TENM1: variants seen among roughly 807,000 people sequenced by gnomAD.
The protein encoded by TENM1 is teneurin-1.
In TENM1, 35 loss-of-function variants were observed where a neutral mutation model predicts 174.8. The ratio of observed to expected loss-of-function variants is 0.20; its 90% CI spans 0.15 to 0.27. The LOEUF is 0.27. Ranked by LOEUF, TENM1 falls within the 10% of genes least tolerant of loss-of-function variation. The probability of loss-of-function intolerance (pLI) is 1.00; values close to 1 mark genes in which losing one functional copy is unlikely to be tolerated. For missense variants in TENM1, 1,633 were observed against 2,130.1 expected (o/e 0.77, Z 4.59); for synonymous variants, 781 against 798.7 (o/e 0.98, Z 0.37).
chrX:124,779,291 A>C (rs2054853526), intron 3 of TENM1, among the ~76,000 whole-genome samples: 1 of 111,751 alleles, frequency 8.9e-6, no homozygotes, highest in Non-Finnish European at 1.9e-5. Context: ...TTCATTTCTC[A>C]TGCTTCTTTA....
chrX:124,438,367 G>T (rs1044324199), intron 23 of TENM1, among the ~76,000 whole-genome samples: 4 of 110,971 alleles, frequency 3.6e-5, no homozygotes, highest in African/African-American at 1.3e-4. Context: ...GAGAGATACA[G>T]AAGTATCTTA....
the TENM1 span, among the ~76,000 whole-genome samples, chrX:125,055,482 C>T: frequency 8.9e-6 from 1 of 111,744 alleles, no homozygotes; most frequent in African/African-American, 3.2e-5. Flanking sequence ...TTAGGAGTTC[C>T]TGAAGGGCAG....
intron 3 of TENM1, among the ~76,000 whole-genome samples, chrX:124,877,031 C>G: frequency 8.9e-6 from 1 of 111,886 alleles, no homozygotes; most frequent in Non-Finnish European, 1.9e-5. Flanking sequence ...AAAAATCATT[C>G]CAGTTCAAAC....
At chrX:124,750,995 G>A (rs1425738203) in intron 3 of TENM1, among the ~76,000 whole-genome samples, 1 of 112,048 alleles carries the variant, frequency 8.9e-6, no homozygotes, top group African/African-American at 3.2e-5. Flanking sequence ...ATTTTGAGTA[G>A]CAAATATCTT....
intron 3 of TENM1, among the ~76,000 whole-genome samples, chrX:124,875,690 A>G (rs1449466320): frequency 9.2e-6 from 1 of 108,527 alleles, no homozygotes; most frequent in Non-Finnish European, 1.9e-5. Context: ...CTGGTCAACA[A>G]AGGGGACATC....
At chrX:124,654,157 T>G (rs963219612) in intron 6 of TENM1, among the ~76,000 whole-genome samples, 1 of 112,017 alleles carries the variant, frequency 8.9e-6, no homozygotes, top group African/African-American at 3.2e-5. Flanking sequence ...ATAACCTCAC[T>G]GTAAAGAAAA....
chrX:125,145,556 G>A, the TENM1 span, among the ~76,000 whole-genome samples: 3 of 112,406 alleles, frequency 2.7e-5, no homozygotes, highest in South Asian at 1.1e-3. Context: ...GCTACATTAT[G>A]TGCAACATTA....
intron 23 of TENM1, among the ~76,000 whole-genome samples, chrX:124,428,199 A>C (rs757332846): frequency 8.9e-6 from 1 of 111,984 alleles, no homozygotes; most frequent in South Asian, 3.8e-4. Context: ...CCTGAGCATA[A>C]AGGAGCTCTT....
At chrX:124,465,922 TAACAA>T (rs1410917844) in intron 22 of TENM1, among the ~76,000 whole-genome samples, 1 of 111,539 alleles carries the variant, frequency 9.0e-6, no homozygotes, top group Non-Finnish European at 1.9e-5. Context: ...TTGAAAAACT[TAACAA>T]AACAATAAAG....
chrX:124,429,939 A>G (rs1428260561), intron 23 of TENM1, among the ~76,000 whole-genome samples: 1 of 111,866 alleles, frequency 8.9e-6, no homozygotes, highest in Non-Finnish European at 1.9e-5. Flanking sequence ...AGTCATGGAG[A>G]GTGGTATATG....
rs1412462215 is a variant in TENM1 at position 124,445,779 on chromosome X, C to T, written c.4104+7558G>A. On this transcript the variant is annotated intron_variant, in intron 23 of 31. Coordinates refer to ENST00000422452, the Ensembl canonical transcript of TENM1. ...TAGGCTGGCTCCAAGGAGTAACTTG[C>T]TATCCCATCAAGAAACTTGCTCTAA... 2.7e-5 allele frequency among the ~76,000 whole-genome samples: 3 copies of T among 112,309 alleles called. No individual in the cohort carries two copies. In the East Asian group the frequency reaches 8.4e-4, roughly 31 times the overall value.
chrX:124,698,992 G>C (rs1301132779), intron 5 of TENM1, among the ~76,000 whole-genome samples: 1 of 111,148 alleles, frequency 9.0e-6, no homozygotes, highest in Non-Finnish European at 1.9e-5. Context: ...GTTTAAAATG[G>C]GTTAACCTGC....
chrX:125,141,136 C>T, the TENM1 span, among the ~76,000 whole-genome samples: 2 of 111,941 alleles, frequency 1.8e-5, no homozygotes, highest in East Asian at 2.8e-4. Context: ...GAACACCTAA[C>T]GCAAAAGAGG....
intron 1 of TENM1, among the ~76,000 whole-genome samples, chrX:124,913,894 T>C (rs920753482): frequency 4.5e-5 from 5 of 112,057 alleles, no homozygotes; most frequent in East Asian, 2.8e-4. Flanking sequence ...ATGGTTATTC[T>C]AGTGCTTGTC....
chrX:124,829,777 A>T lies in TENM1; in HGVS notation c.535+64519T>A, dbSNP rs112374075. Among the ~76,000 whole-genome samples, 526 of 112,470 alleles carry T rather than the reference A, an allele frequency of 4.7e-3. 3 individuals are homozygous for T. The highest frequency in any genetic ancestry group is 0.016 in the African/African-American group (487 of 31,028). On this transcript the variant is annotated intron_variant, in intron 3 of 31. Coordinates refer to ENST00000422452, the Ensembl canonical transcript of TENM1. ...CTGTAAGTGTTCTCACTCTAAACTT[A>T]AAAGTTAGACCTGCTTAGGCTCTTA...
chrX:125,129,478 TTA>T, the TENM1 span, among the ~76,000 whole-genome samples: 1 of 111,689 alleles, frequency 9.0e-6, no homozygotes, highest in African/African-American at 3.2e-5. Flanking sequence ...ATTATACTCT[TTA>T]TGTTATTTTA....
the TENM1 span, among the ~76,000 whole-genome samples, chrX:125,117,920 A>T: frequency 5.4e-5 from 6 of 110,673 alleles, no homozygotes; most frequent in Non-Finnish European, 7.6e-5. Flanking sequence ...ACCTGCACAC[A>T]TATGTTTATT....
chrX:125,189,855 G>A, the TENM1 span, among the ~76,000 whole-genome samples: 1 of 112,166 alleles, frequency 8.9e-6, no homozygotes, highest in African/African-American at 3.2e-5. Context: ...TATGATTTCT[G>A]TTAGTTTAGA....
At chrX:125,065,733 A>G in the TENM1 span, among the ~76,000 whole-genome samples, 11 of 112,278 alleles carry the variant, frequency 9.8e-5, no homozygotes, top group South Asian at 3.7e-4. Flanking sequence ...CTGCATTTGT[A>G]AAAATATCTC....
Sources: allele counts gnomAD v4.1 joint callset (sites outside exome capture counted in the v4.1 genomes callset), GRCh38; gene constraint gnomAD v4.1.1; transcripts MANE v1.5; gene names NCBI Gene and HGNC (gene_info 2026-07-23, HGNC 2026-07-21).